Variants in DOCK2 observed in about 807,000 individuals in gnomAD.
The protein encoded by DOCK2 is dedicator of cytokinesis protein 2.
In DOCK2, 87 loss-of-function variants were observed where a neutral mutation model predicts 248.9. The observed-to-expected ratio is 0.35, with a 90% CI of 0.29 to 0.42. DOCK2 has a LOEUF of 0.42. Among genes scored for constraint, DOCK2 ranks in the 10% least tolerant of loss-of-function variants. The pLI, the probability that DOCK2 is intolerant of heterozygous loss-of-function variation, is 1.00. For missense variants in DOCK2, 1,747 were observed against 2,300.2 expected (o/e 0.76, Z 4.92); for synonymous variants, 805 against 821.6 (o/e 0.98, Z 0.35).
chr5:169,776,453 C>T (rs1000843640), intron 25 of DOCK2, among the ~76,000 whole-genome samples: 1 of 152,082 alleles, frequency 6.6e-6, no homozygotes, highest in Admixed American at 6.6e-5. Context: ...GTGTGAGCCA[C>T]CACACTTGGC....
chr5:169,938,652 T>G (rs1407780820), intron 27 of DOCK2, among the ~76,000 whole-genome samples: 2 of 152,168 alleles, frequency 1.3e-5, no homozygotes, highest in Non-Finnish European at 2.9e-5. Context: ...TGTGAAGGCT[T>G]AGGATGGTTA....
At chr5:170,066,622 C>G (rs1199981664) in intron 44 of DOCK2, among the ~76,000 whole-genome samples, 1 of 152,220 alleles carries the variant, frequency 6.6e-6, no homozygotes, top group Non-Finnish European at 1.5e-5. Context: ...ATGGAACACT[C>G]TTCAGTATAG....
intron 27 of DOCK2, among the ~76,000 whole-genome samples, chr5:169,956,077 T>A (rs1467823025): frequency 1.3e-5 from 2 of 149,318 alleles, no homozygotes; most frequent in Non-Finnish European, 3.0e-5. Flanking sequence ...GGGTCTGGAG[T>A]CTGGGTTATC....
chr5:169,795,262 A>G (rs1418064247), intron 25 of DOCK2, among the ~76,000 whole-genome samples: 1 of 152,156 alleles, frequency 6.6e-6, no homozygotes, highest in Non-Finnish European at 1.5e-5. Context: ...TTAAGGATTT[A>G]CCGCCTAACT....
In DOCK2 at chr5:169,976,715, G is replaced by A. The variant is rs17561286; in HGVS notation, c.2800-6353G>A. On this transcript the variant is annotated intron_variant, in intron 27 of 51. Coordinates refer to ENST00000520908, the MANE Select transcript of DOCK2 (RefSeq NM_004946.3). ...GAATTCAGGCCCCTCTTCGAGCCTT[G>A]ATTCAAAGCAGCCTGCGCTTCTGGC... Among the ~76,000 whole-genome samples the A allele has an allele frequency of 6.2e-3, 943 of 152,304 alleles. 10 individuals carry two copies. The highest frequency in any genetic ancestry group is 8.5e-3 in the Non-Finnish European group (576 of 68,022).
At chr5:169,666,867 A>G (rs1027074079) in intron 2 of DOCK2, among the ~76,000 whole-genome samples, 7 of 152,242 alleles carry the variant, frequency 4.6e-5, no homozygotes, top group African/African-American at 1.7e-4. Context: ...CCCTGGAAGC[A>G]TGTAGCCCAG....
Position 169,705,377 on chromosome 5 carries a change from A to C in DOCK2, c.1384-2792A>C, listed in dbSNP as rs116607019. 3.5e-3 allele frequency among the ~76,000 whole-genome samples: 527 copies of C among 152,208 alleles called. 6 individuals carry two copies. Among genetic ancestry groups the C allele is most frequent in the African/African-American group, 0.012 (512 of 41,522 alleles). ...GGGCCAAGAAACCTCTGTTTTTCTG[A>C]GACCACCCAACTTGAGGCGGTGGAG... On this transcript the variant is annotated intron_variant, in intron 14 of 51. Coordinates refer to ENST00000520908, the MANE Select transcript of DOCK2 (RefSeq NM_004946.3).
At chr5:169,828,985 A>G (rs1769054881) in intron 26 of DOCK2, among the ~76,000 whole-genome samples, 1 of 152,206 alleles carries the variant, frequency 6.6e-6, no homozygotes, top group South Asian at 2.1e-4. Flanking sequence ...CGAGTGGATT[A>G]CTTTATGACT....
At chr5:170,058,700 C>A (rs1451848406) in intron 44 of DOCK2, among the ~76,000 whole-genome samples, 1 of 152,126 alleles carries the variant, frequency 6.6e-6, no homozygotes, top group Non-Finnish European at 1.5e-5. Flanking sequence ...CCTTGTAGAC[C>A]ACCATAAGGA....
At chr5:169,842,235 C>T (rs116649537) in intron 27 of DOCK2, among the ~76,000 whole-genome samples, 225 of 152,294 alleles carry the variant, frequency 1.5e-3, no homozygotes, top group African/African-American at 5.3e-3. Flanking sequence ...TGGTGACATC[C>T]GTGGAGAGCA....
At chr5:170,066,108 C>T (rs745532934) in intron 44 of DOCK2, among the ~76,000 whole-genome samples, 5 of 152,024 alleles carry the variant, frequency 3.3e-5, no homozygotes, top group Non-Finnish European at 5.9e-5. Flanking sequence ...CCCGCCACAA[C>T]GCCTGGCTAA....
At chr5:170,075,648 G>T (rs1184768251) in intron 46 of DOCK2, 2 of 297,800 alleles carry the variant, frequency 6.7e-6, no homozygotes, top group Non-Finnish European at 1.3e-5. Context: ...CCCCCAAGTA[G>T]ATTCTTTAAG....
chr5:169,984,824 T>C (rs1370278690), intron 28 of DOCK2, among the ~76,000 whole-genome samples: 2 of 152,216 alleles, frequency 1.3e-5, no homozygotes, highest in Non-Finnish European at 2.9e-5. Flanking sequence ...AGATTTTAAA[T>C]TTTGCCTAAA....
chr5:169,999,653 T>G (rs1216555363), intron 30 of DOCK2, among the ~76,000 whole-genome samples: 2 of 152,218 alleles, frequency 1.3e-5, no homozygotes, highest in African/African-American at 4.8e-5. Context: ...AGCTATTTAT[T>G]GAAAAGTACC....
At chr5:169,905,276 G>A (rs1001822157) in intron 27 of DOCK2, among the ~76,000 whole-genome samples, 4 of 139,812 alleles carry the variant, frequency 2.9e-5, no homozygotes, top group Admixed American at 7.5e-5. Context: ...CCCAGGAGCA[G>A]TACTGTTAGA....
chr5:170,012,046 G>A (rs1355730124), intron 32 of DOCK2, among the ~76,000 whole-genome samples: 2 of 152,228 alleles, frequency 1.3e-5, no homozygotes, highest in Admixed American at 6.5e-5. Context: ...TATAGGTAAA[G>A]TTGCCAGACG....
Position 170,067,515 on chromosome 5 carries a change from A to G in DOCK2, c.4473A>G (p.Thr1491=). Residue 1491 remains threonine (T), a synonymous_variant, in exon 45 of 52, where the codon ACA becomes ACG. Coordinates refer to ENST00000520908, the MANE Select transcript of DOCK2 (RefSeq NM_004946.3). ...GGTGATCTCATTTTCAACAGACCAC[A>G]ATTAGTCCTCTGGAGAATGCCATAG... ...WFEVVHMSQT[T]ISPLENAIET... 1 of 1,613,938 alleles carries G rather than the reference A, an allele frequency of 6.2e-7. No homozygotes were observed. Among genetic ancestry groups the G allele is most frequent in the Non-Finnish European group, 8.5e-7 (1 of 1,179,890 alleles).
chr5:170,060,962 G>A (rs143162301), intron 44 of DOCK2, among the ~76,000 whole-genome samples: 6,512 of 152,078 alleles, frequency 0.043, 275 homozygotes, highest in African/African-American at 0.11. Flanking sequence ...CCCGGGAGGC[G>A]GAGGTTGCAG....
chr5:169,934,779 C>A (rs552044043), intron 27 of DOCK2: 1 of 450,294 alleles, frequency 2.2e-6, no homozygotes, highest in South Asian at 1.6e-5. Context: ...ATCATGCAAT[C>A]CTTATTGTTA....
Sources: gnomAD v4.1 joint callset for allele counts (sites outside exome capture counted in the v4.1 genomes callset) on GRCh38, gnomAD v4.1.1 for gene constraint, MANE v1.5 for transcripts, NCBI Gene and HGNC (gene_info 2026-07-23, HGNC 2026-07-21) for gene names.